PCM1: variants seen among roughly 807,000 people sequenced by gnomAD.
The protein encoded by PCM1 is pericentriolar material 1 protein.
A neutral mutation model predicts 241.9 loss-of-function variants in PCM1; 157 were observed. The observed-to-expected ratio is 0.65, with a 90% CI of 0.57 to 0.74. The LOEUF (loss-of-function observed/expected upper bound fraction) is 0.74, where lower values mean the gene tolerates loss of function less well. Ranked by LOEUF, PCM1 falls within the 30% of genes least tolerant of loss-of-function variation. The probability of loss-of-function intolerance (pLI) is 0.00; values close to 1 mark genes in which losing one functional copy is unlikely to be tolerated. For missense variants in PCM1, 3,478 were observed against 2,360.1 expected, an observed-to-expected ratio of 1.47 and a Z score of -9.81; for synonymous variants, 1,085 against 784.9, an observed-to-expected ratio of 1.38 and a Z score of -6.39.
intron 23 of PCM1, among the ~76,000 whole-genome samples, chr8:17,973,017 C>T (rs1224196306): frequency 6.6e-6 from 1 of 151,978 alleles, no homozygotes. Context: ...ATCCTGCATC[C>T]AACTCTTTGG....
At chr8:17,964,193 C>G (rs991471130) in intron 17 of PCM1, among the ~76,000 whole-genome samples, 66 of 152,080 alleles carry the variant, frequency 4.3e-4, no homozygotes, top group Non-Finnish European at 1.5e-4. Flanking sequence ...GCCATGTGTA[C>G]CTAGTGTCTA....
intron 36 of PCM1, among the ~76,000 whole-genome samples, chr8:18,018,196 G>A (rs1003841873): frequency 9.2e-5 from 14 of 152,184 alleles, no homozygotes; most frequent in Non-Finnish European, 1.9e-4. Flanking sequence ...GGCACTTAAA[G>A]TTCTCTCTGG....
intron 15 of PCM1, among the ~76,000 whole-genome samples, chr8:17,961,463 A>T (rs894862660): frequency 9.8e-4 from 149 of 152,038 alleles, no homozygotes; most frequent in Non-Finnish European, 1.9e-4. Flanking sequence ...GGTGCCCGCC[A>T]CCACGCCCGG....
rs1030485827 is a variant in PCM1 at position 18,029,681 on chromosome 8, T to C, written c.*2019T>C. ...AATACGTAGGGTTTGAGAGCAGATA[T>C]ATTTATTTAATCTGTTTTCTCTAGT... On this transcript the variant is annotated 3_prime_UTR_variant, in exon 39 of 39. Coordinates refer to ENST00000325083, the MANE Select transcript of PCM1 (RefSeq NM_006197.4). The C allele has an allele frequency of 4.5e-5, 9 of 198,878 alleles. No individual in the cohort carries two copies. The East Asian group carries it at 7.1e-4, about 16-fold the overall frequency. The allele number at this position is 198,878 out of a possible 1,614,324, so 12.3% of individuals were successfully genotyped here. A position where few individuals can be genotyped will look rare whatever the true frequency, so the allele number is the denominator to read the frequency against.
intron 36 of PCM1, among the ~76,000 whole-genome samples, chr8:18,023,859 G>T (rs753089865): frequency 3.3e-5 from 5 of 152,164 alleles, no homozygotes; most frequent in African/African-American, 4.8e-5. Context: ...GTGCATGACT[G>T]AATCCCAACA....
At position 18,011,345 on chromosome 8, in the gene PCM1, GA is replaced by G; in HGVS notation, c.5331del (p.Gly1778AspfsTer16). The part of the protein sequence containing the change: ...ISDQEEDEES[E>X]GCPVSINLSK... ...TGATCAAGAGGAAGATGAAGAAAGTGAAGGATGTCCAGTGTCTATTAGTAAG... is the reference window on the plus strand; with the variant it reads ...TGATCAAGAGGAAGATGAAGAAAGTGAGGATGTCCAGTGTCTATTAGTAAG... On this transcript the variant is annotated frameshift_variant, in exon 33 of 39. Coordinates refer to ENST00000325083, the MANE Select transcript of PCM1 (RefSeq NM_006197.4). LOFTEE classifies it high-confidence loss of function. The G allele has an allele frequency of 6.2e-7, 1 of 1,600,788 alleles. No individual in the cohort carries two copies. Among genetic ancestry groups the G allele is most frequent in the South Asian group, 1.1e-5 (1 of 88,048 alleles).
chr8:18,013,920 C>T, intron 34 of PCM1, 44 bp from the exon 35 acceptor site: 1 of 1,137,878 alleles, frequency 8.8e-7, no homozygotes, highest in Non-Finnish European at 1.3e-6. Flanking sequence ...TTTATAGTGA[C>T]CATATATTTC....
At position 18,029,448 on chromosome 8, in the gene PCM1, A is replaced by G. The variant is rs1047851635; in HGVS notation, c.*1786A>G. 3 of 216,306 alleles carry G rather than the reference A, an allele frequency of 1.4e-5. No homozygotes were observed. Among genetic ancestry groups the G allele is most frequent in the Non-Finnish European group, 2.8e-5 (3 of 107,324 alleles). The allele number at this position is 216,306 out of a possible 1,614,324, so 13.4% of individuals were successfully genotyped here. On this transcript the variant is annotated 3_prime_UTR_variant, in exon 39 of 39. Transcript: ENST00000325083. Reference sequence around the variant, plus strand: ...TTCTCCACTTTAAGCAGGAAAGGGTAAAAACTGTTTTGGTACTCAAGCCCA... The same window carrying G: ...TTCTCCACTTTAAGCAGGAAAGGGTGAAAACTGTTTTGGTACTCAAGCCCA...
At chr8:18,014,097 A>T in intron 35 of PCM1, 61 bp downstream of exon 35, 1 of 517,628 alleles carries the variant, frequency 1.9e-6, no homozygotes. Flanking sequence ...TTTAAAGCTA[A>T]AAAAAAAAAA....
At chr8:18,021,038 T>G (rs748268908) in intron 36 of PCM1, among the ~76,000 whole-genome samples, 13 of 152,198 alleles carry the variant, frequency 8.5e-5, no homozygotes, top group Non-Finnish European at 1.3e-4. Flanking sequence ...TGACAAAATA[T>G]GCATTTTGAA....
At position 17,949,215 on chromosome 8, in the gene PCM1, G is replaced by C. The variant is rs80195230; in HGVS notation, c.962-1400G>C. Among the ~76,000 whole-genome samples, 750 of 152,010 alleles carry C rather than the reference G, an allele frequency of 4.9e-3. 7 individuals carry two copies. The highest frequency in any genetic ancestry group is 0.016 in the African/African-American group (658 of 41,468). On this transcript the variant is annotated intron_variant, in intron 7 of 38. Transcript: ENST00000325083. ...TTTAGTCTTGTATTTATGAGATTTT[G>C]CAGGGGCATGCTAATGAAAAGCCAT... is the stretch of plus-strand genomic sequence containing the variant.
Position 17,957,528 on chromosome 8 carries a change from T to C in PCM1, c.1805-12T>C, listed in dbSNP as rs559521119. 4.6e-5 allele frequency: 73 copies of C among 1,598,706 alleles called. 1 individual carries two copies. In the South Asian group the frequency reaches 5.4e-4, roughly 12 times the overall value. ...AAAAGTTACTGGTTTTAATTATACATGTTTTCAGCAGATTGTCGATATAAT... is the reference window on the plus strand; with the variant it reads ...AAAAGTTACTGGTTTTAATTATACACGTTTTCAGCAGATTGTCGATATAAT... On this transcript the variant is annotated splice_polypyrimidine_tract_variant and intron_variant, in intron 12 of 38. Transcript: ENST00000325083.
Position 17,965,166 on chromosome 8 carries a change from G to C in PCM1, c.2855+398G>C, listed in dbSNP as rs1046092608. On this transcript the variant is annotated intron_variant, in intron 18 of 38. Transcript: ENST00000325083. ...AGAGGTGTGTTAGGACAGTGTGTGG[G>C]TTGGGGAGGTGTGCAGAGCTTCCAT... Among the ~76,000 whole-genome samples, 3 of 152,186 alleles carry C rather than the reference G, an allele frequency of 2.0e-5. No homozygotes were observed. The East Asian group carries it at 5.8e-4, about 29-fold the overall frequency.
intron 29 of PCM1, among the ~76,000 whole-genome samples, chr8:18,003,230 G>C (rs369516713): frequency 2.6e-5 from 4 of 152,156 alleles, no homozygotes; most frequent in African/African-American, 9.7e-5. Context: ...TAGACACTCA[G>C]TAAACATTAA....
At chr8:17,969,424 G>GTGAT (rs1011143138) in intron 21 of PCM1, 153 bp from the exon 22 acceptor site, 1 of 610,144 alleles carries the variant, frequency 1.6e-6, no homozygotes, top group African/African-American at 1.9e-5. Context: ...GCTGTGAACA[G>GTGAT]TGATTGGATA....
In PCM1 at chr8:17,957,246, C is replaced by A. The variant is rs1183702333; in HGVS notation, c.1647-18C>A. The A allele has an allele frequency of 6.4e-7, 1 of 1,564,446 alleles. No homozygotes were observed. Among genetic ancestry groups the A allele is most frequent in the Non-Finnish European group, 8.6e-7 (1 of 1,156,306 alleles). On this transcript the variant is annotated intron_variant, in intron 11 of 38. Transcript: ENST00000325083. ...TTTTTGTGCCTTAAATGACTTCAGGCTGTTTTCTTTCTTCTAGAAATCCAC... is the reference window on the plus strand; with the variant it reads ...TTTTTGTGCCTTAAATGACTTCAGGATGTTTTCTTTCTTCTAGAAATCCAC...
At chr8:17,962,297 C>G in intron 16 of PCM1, 123 bp downstream of exon 16, 2 of 652,026 alleles carry the variant, frequency 3.1e-6, no homozygotes, top group Non-Finnish European at 4.7e-6. Context: ...AAATAGTAGT[C>G]TGCTTTGTGC....
intron 36 of PCM1, among the ~76,000 whole-genome samples, chr8:18,018,405 A>C (rs2129487211): frequency 6.6e-6 from 1 of 152,340 alleles, no homozygotes; most frequent in South Asian, 2.1e-4. Context: ...CAAATACATT[A>C]TTCCAAGCCA....
At chr8:17,986,737 G>T (rs1391645495) in intron 26 of PCM1, among the ~76,000 whole-genome samples, 1 of 151,756 alleles carries the variant, frequency 6.6e-6, no homozygotes, top group Non-Finnish European at 1.5e-5. Context: ...CTATTTCAAG[G>T]TTCAGGCCTT....
Sources: gnomAD v4.1 joint callset for allele counts (sites outside exome capture counted in the v4.1 genomes callset) on GRCh38, gnomAD v4.1.1 for gene constraint, MANE v1.5 for transcripts, NCBI Gene and HGNC (gene_info 2026-07-23, HGNC 2026-07-21) for gene names.